The following GRIK4 variants were observed in gnomAD, a reference collection of about 807,000 sequenced individuals.
GRIK4 encodes the protein glutamate ionotropic receptor kainate type subunit 4, also known as glutamate receptor ionotropic, kainate 4.
A neutral mutation model predicts 104.9 loss-of-function variants in GRIK4; 40 were observed. The ratio of observed to expected loss-of-function variants is 0.38; its 90% CI spans 0.30 to 0.50. The LOEUF is 0.50. Among genes scored for constraint, GRIK4 ranks in the 20% least tolerant of loss-of-function variants. The pLI, the probability that GRIK4 is intolerant of heterozygous loss-of-function variation, is 0.93. For synonymous variants in GRIK4, 485 were observed against 524.9 expected, an observed-to-expected ratio of 0.92 and a Z score of 1.04; for missense variants, 1,047 against 1,308.1, an observed-to-expected ratio of 0.80 and a Z score of 3.08.
chr11:120,643,244 A>G (rs1251097725), intron 1 of GRIK4, among the ~76,000 whole-genome samples: 1 of 152,236 alleles, frequency 6.6e-6, no homozygotes, highest in Non-Finnish European at 1.5e-5. Flanking sequence ...AAAAGAAAAA[A>G]ATAAAGCAGG....
intron 1 of GRIK4, among the ~76,000 whole-genome samples, chr11:120,569,215 G>C (rs902231298): frequency 1.3e-5 from 2 of 152,194 alleles, no homozygotes; most frequent in Non-Finnish European, 2.9e-5. Context: ...GGCACGCCCC[G>C]CCCCATGGTT....
intron 1 of GRIK4, among the ~76,000 whole-genome samples, chr11:120,648,160 C>T (rs1038162109): frequency 7.2e-5 from 11 of 152,268 alleles, no homozygotes; most frequent in Admixed American, 1.3e-4. Flanking sequence ...TGACTATAGA[C>T]CAGAGGGGGC....
intron 1 of GRIK4, among the ~76,000 whole-genome samples, chr11:120,545,022 C>T (rs942201839): frequency 1.3e-5 from 2 of 152,060 alleles, no homozygotes; most frequent in South Asian, 4.1e-4. Flanking sequence ...AATGGGGAAA[C>T]TGAGGCAGGG....
intron 1 of GRIK4, among the ~76,000 whole-genome samples, chr11:120,644,567 G>A (rs915120179): frequency 2.0e-5 from 3 of 152,172 alleles, no homozygotes; most frequent in South Asian, 2.1e-4. Context: ...CAGTTGCTCC[G>A]GAGGCTGCCT....
chr11:120,581,038 A>G (rs1437155937), intron 1 of GRIK4, among the ~76,000 whole-genome samples: 1 of 152,088 alleles, frequency 6.6e-6, no homozygotes, highest in Non-Finnish European at 1.5e-5. Context: ...GTGTCTTTTC[A>G]TCTGTTTATT....
At chr11:120,964,336 C>G (rs1431004680) in intron 18 of GRIK4, among the ~76,000 whole-genome samples, 1 of 152,110 alleles carries the variant, frequency 6.6e-6, no homozygotes, top group Non-Finnish European at 1.5e-5. Flanking sequence ...AGAAAATGAA[C>G]ATAGGTAATA....
rs141196181 is a variant in GRIK4 at position 120,834,263 on chromosome 11, GGTGTGTGT to G, written c.690+2263_690+2270del. 5.1e-3 allele frequency among the ~76,000 whole-genome samples: 741 copies of G among 146,078 alleles called. 4 individuals carry two copies. The highest frequency in any genetic ancestry group is 0.017 in the African/African-American group (682 of 39,540). ...GTATGTTAATTAAAAACACTTTATA[GGTGTGTGT>G]GTGTGTGTGTGTGTGTGTGTGTGTG... On this transcript the variant is annotated intron_variant, in intron 7 of 20. Coordinates refer to ENST00000527524, the MANE Select transcript of GRIK4 (RefSeq NM_014619.5).
At chr11:120,608,701 C>T (rs1271979064) in intron 1 of GRIK4, among the ~76,000 whole-genome samples, 2 of 152,202 alleles carry the variant, frequency 1.3e-5, no homozygotes, top group Non-Finnish European at 2.9e-5. Flanking sequence ...AAACAACTGT[C>T]AGGGCTTGTG....
intron 3 of GRIK4, among the ~76,000 whole-genome samples, chr11:120,698,672 T>C (rs12574240): frequency 0.39 from 58,828 of 152,100 alleles, 11,768 homozygotes; most frequent in East Asian, 0.48. Context: ...TCCCCCTGGC[T>C]CTGTGGCTTC....
At chr11:120,944,710 C>T (rs1943814793) in intron 14 of GRIK4, among the ~76,000 whole-genome samples, 1 of 152,284 alleles carries the variant, frequency 6.6e-6, no homozygotes, top group Admixed American at 6.5e-5. Flanking sequence ...ATCAAAAGGC[C>T]ACAGTCATTA....
intron 12 of GRIK4, among the ~76,000 whole-genome samples, chr11:120,901,754 C>T (rs976854114): frequency 1.3e-5 from 2 of 152,140 alleles, no homozygotes; most frequent in Non-Finnish European, 2.9e-5. Context: ...GGAATTACAC[C>T]GTGCTTGGAG....
At chr11:120,839,308 A>G (rs551889791) in intron 8 of GRIK4, among the ~76,000 whole-genome samples, 1 of 152,230 alleles carries the variant, frequency 6.6e-6, no homozygotes, top group Non-Finnish European at 1.5e-5. Flanking sequence ...GAGAACAAGC[A>G]TGGTGAACGG....
At position 120,815,207 on chromosome 11, in the gene GRIK4, G is replaced by A. The variant is rs115604918; in HGVS notation, c.248-171G>A. On this transcript the variant is annotated intron_variant, in intron 4 of 20. Coordinates refer to ENST00000527524, the MANE Select transcript of GRIK4 (RefSeq NM_014619.5). ...AATAAAACTGTCCTGGAGCCCAGTC[G>A]TCCAGGGGAGAAGGAGAGACTCTGG... Among the ~76,000 whole-genome samples the A allele has an allele frequency of 7.4e-3, 1,124 of 152,388 alleles. 20 individuals carry two copies. Among genetic ancestry groups the A allele is most frequent in the African/African-American group, 0.024 (1,008 of 41,594 alleles).
At chr11:120,566,681 AT>A (rs1277866912) in intron 1 of GRIK4, among the ~76,000 whole-genome samples, 2 of 148,706 alleles carry the variant, frequency 1.3e-5, no homozygotes, top group Admixed American at 6.7e-5. Flanking sequence ...ATATCACAAG[AT>A]TTTTTTTCTT....
At position 120,656,782 on chromosome 11, in the gene GRIK4, A is replaced by T. The variant is rs1365815968; in HGVS notation, c.-51+2990A>T. Among the ~76,000 whole-genome samples the T allele has an allele frequency of 1.4e-4, 21 of 152,150 alleles. 1 individual carries two copies. Among genetic ancestry groups the T allele is most frequent in the Admixed American group, 1.4e-3 (21 of 15,278 alleles). On this transcript the variant is annotated intron_variant, in intron 2 of 20. Coordinates refer to ENST00000527524, the MANE Select transcript of GRIK4 (RefSeq NM_014619.5). ...GGCAGGAGAATTGTTTGAACCTGGGAGGTGGAGGTTGCAGTGAGCCAAGAT... is the reference window on the plus strand; with the variant it reads ...GGCAGGAGAATTGTTTGAACCTGGGTGGTGGAGGTTGCAGTGAGCCAAGAT...
chr11:120,522,507 G>T (rs928171115), intron 1 of GRIK4, among the ~76,000 whole-genome samples: 14 of 152,024 alleles, frequency 9.2e-5, no homozygotes, highest in Non-Finnish European at 1.8e-4. Flanking sequence ...TTTTTATAGA[G>T]ACAGGGTTTC....
chr11:120,638,483 CTT>C (rs34177486), intron 1 of GRIK4, among the ~76,000 whole-genome samples: 40 of 146,536 alleles, frequency 2.7e-4, no homozygotes, highest in Admixed American at 4.7e-4. Flanking sequence ...TCTTCTTTTG[CTT>C]TTTTTTTTTT....
At chr11:120,843,511 A>G (rs11608113) in intron 8 of GRIK4, among the ~76,000 whole-genome samples, 32,288 of 152,196 alleles carry the variant, frequency 0.21, 3,653 homozygotes, top group African/African-American at 0.3. Context: ...AGCTGGGTGT[A>G]TGGCAATATC....
At chr11:120,960,737 C>T (rs1944269636) in intron 16 of GRIK4, among the ~76,000 whole-genome samples, 172 bp from the exon 17 acceptor site, 1 of 152,224 alleles carries the variant, frequency 6.6e-6, no homozygotes, top group African/African-American at 2.4e-5. Flanking sequence ...AAACGCGATT[C>T]ATTTCTGTTG....
Sources: allele counts gnomAD v4.1 joint callset (sites outside exome capture counted in the v4.1 genomes callset), GRCh38; gene constraint gnomAD v4.1.1; transcripts MANE v1.5; gene names NCBI Gene and HGNC (gene_info 2026-07-23, HGNC 2026-07-21).